LINGO1: variants seen among roughly 807,000 people sequenced by gnomAD.
LINGO1 encodes the protein leucine-rich repeat and immunoglobulin-like domain-containing nogo receptor-interacting protein 1.
LINGO1 carries 11 observed loss-of-function variants against 37.3 expected under a neutral mutation model. The observed-to-expected ratio is 0.29, with a 90% confidence interval of 0.19 to 0.49. The LOEUF is 0.49. LINGO1 is among the 20% of genes least tolerant of loss of function. The pLI is 0.99. For synonymous variants in LINGO1, 387 were observed against 403.0 expected (o/e 0.96, Z 0.48); for missense variants, 585 against 878.2 (o/e 0.67, Z 4.22).
At chr15:77,759,651 T>C (rs1031296378) in intron 1 of LINGO1, among the ~76,000 whole-genome samples, 3 of 152,206 alleles carry the variant, frequency 2.0e-5, no homozygotes, top group Non-Finnish European at 4.4e-5. Flanking sequence ...AAGAAGTATT[T>C]GTCTCATGCC....
intron 2 of LINGO1, among the ~76,000 whole-genome samples, chr15:77,727,810 T>A (rs763464550): frequency 5.9e-5 from 9 of 151,746 alleles, no homozygotes; most frequent in Non-Finnish European, 1.3e-4. Flanking sequence ...AAACTAGCAC[T>A]CAGAGAGGTG....
At chr15:77,684,955 G>T (rs1323546903) in intron 2 of LINGO1, among the ~76,000 whole-genome samples, 2 of 152,176 alleles carry the variant, frequency 1.3e-5, no homozygotes, top group East Asian at 3.9e-4. Context: ...TTCTGACTGG[G>T]TGAGTGCGCA....
intron 1 of LINGO1, among the ~76,000 whole-genome samples, chr15:77,762,512 A>G (rs766150080): frequency 6.6e-6 from 1 of 152,102 alleles, no homozygotes; most frequent in African/African-American, 2.4e-5. Context: ...TACCTGCCCA[A>G]GGCCACTTGG....
chr15:77,806,301 T>C (rs2076959103), intron 1 of LINGO1, among the ~76,000 whole-genome samples: 1 of 151,770 alleles, frequency 6.6e-6, no homozygotes, highest in African/African-American at 2.4e-5. Flanking sequence ...CCTCTCCGAT[T>C]CCAATTTATT....
Position 77,719,887 on chromosome 15 carries a change from TAC to T in LINGO1, c.-195+15103_-195+15104del, listed in dbSNP as rs34870352. ...ACACATGTGCATGCATACACACACATACACACACACACACAACTATGAGACAG... is the reference window on the plus strand; with the variant it reads ...ACACATGTGCATGCATACACACACATACACACACACACAACTATGAGACAG... On this transcript the variant is annotated intron_variant, in intron 2 of 3. Coordinates refer to the LINGO1 transcript ENST00000561686. Among the ~76,000 whole-genome samples, 22 of 147,978 alleles carry T rather than the reference TAC, an allele frequency of 1.5e-4. 1 individual carries two copies. The highest frequency in any genetic ancestry group is 1.1e-3 in the South Asian group (5 of 4,558).
intron 2 of LINGO1, among the ~76,000 whole-genome samples, chr15:77,729,441 G>A (rs1011583220): frequency 6.6e-6 from 1 of 152,242 alleles, no homozygotes; most frequent in Non-Finnish European, 1.5e-5. Flanking sequence ...TCCTCCCTGT[G>A]CAGACCCAGC....
At chr15:77,779,054 CCT>C (rs1354123605) in intron 1 of LINGO1, among the ~76,000 whole-genome samples, 7 of 152,216 alleles carry the variant, frequency 4.6e-5, no homozygotes, top group Admixed American at 2.0e-4. Context: ...CCTGGATGCC[CCT>C]GTTTCCTCTG....
At chr15:77,820,246 G>C (rs1172064725) in intron 1 of LINGO1, 1 of 152,214 alleles carries the variant, frequency 6.6e-6, no homozygotes, top group African/African-American at 2.4e-5. Flanking sequence ...CGGGCTTAAA[G>C]GGATAGCGCA....
At chr15:77,782,652 G>A (rs1272781459) in intron 1 of LINGO1, among the ~76,000 whole-genome samples, 3 of 151,192 alleles carry the variant, frequency 2.0e-5, no homozygotes, top group Admixed American at 6.6e-5. Context: ...AACCCGCCCC[G>A]ACCAGGACTC....
chr15:77,661,667 G>A (rs2074996504), intron 3 of LINGO1, among the ~76,000 whole-genome samples: 1 of 152,234 alleles, frequency 6.6e-6, no homozygotes, highest in Non-Finnish European at 1.5e-5. Flanking sequence ...AGCCTGAAGT[G>A]TGCCTCACAG....
At chr15:77,652,960 C>T (rs1362478027) in intron 3 of LINGO1, among the ~76,000 whole-genome samples, 1 of 152,198 alleles carries the variant, frequency 6.6e-6, no homozygotes, top group Non-Finnish European at 1.5e-5. Flanking sequence ...GGTGTAGGGC[C>T]ACACAGGGTG....
chr15:77,657,056 G>A (rs888985055), intron 3 of LINGO1, among the ~76,000 whole-genome samples: 4 of 152,196 alleles, frequency 2.6e-5, no homozygotes, highest in African/African-American at 9.7e-5. Flanking sequence ...CAGCTGTGTG[G>A]ACTCTTGGTT....
intron 1 of LINGO1, among the ~76,000 whole-genome samples, chr15:77,742,450 C>G (rs932353369): frequency 2.0e-5 from 3 of 152,208 alleles, no homozygotes; most frequent in African/African-American, 4.8e-5. Flanking sequence ...ACCAGTATCC[C>G]CCTTTCCAGA....
chr15:77,667,724 C>T (rs1036812697), intron 3 of LINGO1: 2 of 152,184 alleles, frequency 1.3e-5, no homozygotes, highest in Non-Finnish European at 2.9e-5. Context: ...AAGGAAATAT[C>T]AATGATGGAC....
At chr15:77,697,248 G>A (rs2141264712), upstream of LINGO1, among the ~76,000 whole-genome samples, 1 of 152,318 alleles carries the variant, frequency 6.6e-6, no homozygotes, top group African/African-American at 2.4e-5. Context: ...GTCAGATGAT[G>A]GTGGCAGGGT....
chr15:77,672,174 G>A (rs1163824457), intron 3 of LINGO1, among the ~76,000 whole-genome samples: 1 of 97,622 alleles, frequency 1.0e-5, no homozygotes, highest in Non-Finnish European at 2.0e-5. Context: ...TCGCTCCCCA[G>A]CTCTCCCCAC....
chr15:77,700,275 G>A (rs1378742354), upstream of LINGO1, among the ~76,000 whole-genome samples: 1 of 152,202 alleles, frequency 6.6e-6, no homozygotes, highest in Admixed American at 6.5e-5. Context: ...CCCCTAATAA[G>A]AGCATTGCAG....
intron 2 of LINGO1, among the ~76,000 whole-genome samples, chr15:77,689,741 C>T (rs1455318502): frequency 6.6e-6 from 1 of 152,210 alleles, no homozygotes; most frequent in Admixed American, 6.5e-5. Flanking sequence ...GCCCTCAATA[C>T]AGCTCGTGTA....
intron 3 of LINGO1, among the ~76,000 whole-genome samples, chr15:77,647,671 T>C (rs369333703): frequency 1.3e-5 from 2 of 152,170 alleles, no homozygotes; most frequent in Non-Finnish European, 1.5e-5. Context: ...TGCTGAGTGC[T>C]GTTCCAGGCA....
Sources: allele counts gnomAD v4.1 joint callset (sites outside exome capture counted in the v4.1 genomes callset), GRCh38; gene constraint gnomAD v4.1.1; transcripts MANE v1.5; gene names NCBI Gene and HGNC (gene_info 2026-07-23, HGNC 2026-07-21).